The following CEP135 variants were observed in gnomAD, a reference collection of about 807,000 sequenced individuals.
CEP135 encodes centrosomal protein 135.
A neutral mutation model predicts 157.3 loss-of-function variants in CEP135; 142 were observed. The ratio of observed to expected loss-of-function variants is 0.90; its 90% CI spans 0.79 to 1.04. CEP135 has a LOEUF of 1.04. Among genes scored for constraint, CEP135 ranks in the 50% least tolerant of loss-of-function variants. The probability of loss-of-function intolerance (pLI) is 0.00; values close to 1 mark genes in which losing one functional copy is unlikely to be tolerated. For synonymous variants in CEP135, 396 were observed against 439.8 expected (o/e 0.90, Z 1.25); for missense variants, 1,317 against 1,309.2 (o/e 1.01, Z -0.09).
chr4:56,030,179 C>T lies in CEP135; in HGVS notation c.*12-1181C>T, dbSNP rs532019845. Among the ~76,000 whole-genome samples, 46 of 152,258 alleles carry T rather than the reference C, an allele frequency of 3.0e-4. 1 individual carries two copies. The South Asian group carries it at 7.3e-3, about 24-fold the overall frequency. On this transcript the variant is annotated intron_variant, in intron 25 of 25. Transcript: ENST00000257287. ...AGGTATTCAGGGGCAATAACATTTACGGAGCTGCCATCTCCTGTGATAACA... is the reference window on the plus strand; with the variant it reads ...AGGTATTCAGGGGCAATAACATTTATGGAGCTGCCATCTCCTGTGATAACA...
intron 19 of CEP135, 135 bp downstream of exon 19, chr4:56,010,038 GT>G (rs1418209081): frequency 1.1e-6 from 1 of 948,624 alleles, no homozygotes; most frequent in East Asian, 2.8e-5. Context: ...GGACAATGGT[GT>G]TTATCAGGGT....
At chr4:55,982,636 G>A (rs1387905792) in intron 13 of CEP135, among the ~76,000 whole-genome samples, 1 of 152,114 alleles carries the variant, frequency 6.6e-6, no homozygotes, top group Non-Finnish European at 1.5e-5. Context: ...TTATTAAGTT[G>A]TAAGAGTTCT....
Position 55,952,252 on chromosome 4 carries a change from A to G in CEP135, c.113+9A>G, listed in dbSNP as rs766299403. Reference sequence around the variant, plus strand: ...GTAGAAAAACTTTTCAGGTAAAGACAAAAATACAGTTTTCAACCTTTATGA... The same window carrying G: ...GTAGAAAAACTTTTCAGGTAAAGACGAAAATACAGTTTTCAACCTTTATGA... On this transcript the variant is annotated intron_variant, in intron 2 of 25. Coordinates refer to ENST00000257287, the MANE Select transcript of CEP135 (RefSeq NM_025009.5). 2 of 1,506,066 alleles carry G rather than the reference A, an allele frequency of 1.3e-6. No homozygotes were observed. Among genetic ancestry groups the G allele is most frequent in the East Asian group, 2.3e-5 (1 of 44,396 alleles). The allele number at this position is 1,506,066 out of a possible 1,614,324, so 93.3% of individuals were successfully genotyped here.
intron 11 of CEP135, among the ~76,000 whole-genome samples, chr4:55,976,235 CAAAAAA>C (rs749867669): frequency 1.3e-5 from 1 of 79,598 alleles, no homozygotes; most frequent in African/African-American, 3.7e-5. Flanking sequence ...GCCTGGGTGA[CAAAAAA>C]AAAAAAAAGA....
At chr4:55,955,792 CT>C (rs1309999018) in intron 4 of CEP135, among the ~76,000 whole-genome samples, 1 of 152,140 alleles carries the variant, frequency 6.6e-6, no homozygotes, top group African/African-American at 2.4e-5. Flanking sequence ...CAGGAGTCCA[CT>C]TTTGGATGTG....
At chr4:56,016,180 C>A (rs1730768150) in intron 21 of CEP135, among the ~76,000 whole-genome samples, 1 of 152,074 alleles carries the variant, frequency 6.6e-6, no homozygotes, top group South Asian at 2.1e-4. Flanking sequence ...GCAGCATCCA[C>A]CAGAAGCTAG....
intron 25 of CEP135, among the ~76,000 whole-genome samples, chr4:56,027,122 A>C (rs1731181655): frequency 6.6e-6 from 1 of 152,104 alleles, no homozygotes; most frequent in African/African-American, 2.4e-5. Flanking sequence ...ACCACTTCTC[A>C]GTGTTCACTG....
chr4:56,003,690 A>G (rs904046138), intron 17 of CEP135, among the ~76,000 whole-genome samples: 1 of 150,588 alleles, frequency 6.6e-6, no homozygotes, highest in Non-Finnish European at 1.5e-5. Flanking sequence ...CATCATCACT[A>G]GGTTGTTTAT....
chr4:55,964,768 G>A (rs3806749), intron 7 of CEP135: 31,289 of 152,300 alleles, frequency 0.21, 3,420 homozygotes, highest in Non-Finnish European at 0.26. Flanking sequence ...TCTTTCTGTG[G>A]TGGGATATTC....
intron 22 of CEP135, among the ~76,000 whole-genome samples, chr4:56,018,852 A>G (rs1216598181): frequency 6.6e-6 from 1 of 152,210 alleles, no homozygotes; most frequent in Non-Finnish European, 1.5e-5. Flanking sequence ...AGGTGTTTAA[A>G]TCTTAATTAA....
At chr4:55,951,144 C>T (rs547485377) in intron 1 of CEP135, among the ~76,000 whole-genome samples, 1 of 152,284 alleles carries the variant, frequency 6.6e-6, no homozygotes, top group East Asian at 1.9e-4. Context: ...TCATACTTTA[C>T]CCCTTCTGCT....
chr4:55,955,464 G>A (rs544466173), intron 4 of CEP135, among the ~76,000 whole-genome samples: 3 of 152,278 alleles, frequency 2.0e-5, no homozygotes, highest in Non-Finnish European at 4.4e-5. Flanking sequence ...GAAGCCAGGT[G>A]GGGGAAGACT....
At chr4:56,012,981 G>A (rs373175468) in intron 21 of CEP135, among the ~76,000 whole-genome samples, 2 of 152,140 alleles carry the variant, frequency 1.3e-5, no homozygotes, top group Non-Finnish European at 2.9e-5. Flanking sequence ...TGGTTTTTCC[G>A]TAGGTGCTAC....
At chr4:55,989,755 A>G (rs1400200192) in intron 14 of CEP135, among the ~76,000 whole-genome samples, 9 of 152,256 alleles carry the variant, frequency 5.9e-5, no homozygotes, top group Non-Finnish European at 1.5e-5. Flanking sequence ...TAAAACAGTA[A>G]AATCATTTTA....
rs544877574 is a variant in CEP135, at chr4:56,019,917, C to T, written c.3215+362C>T. Among the ~76,000 whole-genome samples the T allele has an allele frequency of 6.6e-5, 10 of 152,276 alleles. No homozygotes were observed. In the South Asian group the frequency reaches 8.3e-4, roughly 13 times the overall value. ...TTGCACCACTGCACTCCATCCTGGGCGACAGAGCGAGACGCTGTCCCAAAA... is the reference window on the plus strand; with the variant it reads ...TTGCACCACTGCACTCCATCCTGGGTGACAGAGCGAGACGCTGTCCCAAAA... On this transcript the variant is annotated intron_variant, in intron 23 of 25. Coordinates refer to ENST00000257287, the MANE Select transcript of CEP135 (RefSeq NM_025009.5).
chr4:55,987,481 C>T (rs1271319522), intron 14 of CEP135, among the ~76,000 whole-genome samples: 1 of 152,130 alleles, frequency 6.6e-6, no homozygotes, highest in Non-Finnish European at 1.5e-5. Flanking sequence ...CATATCGGTT[C>T]CTTTCCCTGT....
chr4:55,954,505 T>C, intron 4 of CEP135, 122 bp downstream of exon 4: 1 of 731,888 alleles, frequency 1.4e-6, no homozygotes, highest in Non-Finnish European at 2.1e-6. Flanking sequence ...TTTGAAAATA[T>C]ATATTGAATA....
Position 55,957,208 on chromosome 4 carries a change from A to T in CEP135, c.473-15A>T. 2 of 1,609,834 alleles carry T rather than the reference A, an allele frequency of 1.2e-6. No individual in the cohort carries two copies. The highest frequency in any genetic ancestry group is 1.1e-5 in the South Asian group (1 of 89,890). ...TTGTTTCTTCTTAGTTTTTTAAGAC[A>T]CTCATTCTTTTTAGGTGGCAAGAAA... On this transcript the variant is annotated splice_polypyrimidine_tract_variant and intron_variant, in intron 4 of 25. Coordinates refer to ENST00000257287, the MANE Select transcript of CEP135 (RefSeq NM_025009.5).
chr4:55,955,711 T>C (rs1187062596), intron 4 of CEP135, among the ~76,000 whole-genome samples: 2 of 152,212 alleles, frequency 1.3e-5, no homozygotes, highest in Non-Finnish European at 2.9e-5. Context: ...ATTCTCAGAC[T>C]TCTCTTTCGA....
Sources: allele counts gnomAD v4.1 joint callset (sites outside exome capture counted in the v4.1 genomes callset), GRCh38; gene constraint gnomAD v4.1.1; transcripts MANE v1.5; gene names NCBI Gene and HGNC (gene_info 2026-07-23, HGNC 2026-07-21).